AP2B1: variants seen among roughly 807,000 people sequenced by gnomAD.
AP2B1 encodes adaptor related protein complex 2 subunit beta 1.
Under a neutral mutation model 102.0 loss-of-function variants are expected in AP2B1, and 23 were observed. That is an observed-to-expected ratio of 0.23 (90% CI 0.16 to 0.32). AP2B1 has a LOEUF of 0.32. Ranked by LOEUF, AP2B1 falls within the 10% of genes least tolerant of loss-of-function variation. The pLI is 1.00. For missense variants in AP2B1, 541 were observed against 1,157.4 expected, an observed-to-expected ratio of 0.47 and a Z score of 7.73; for synonymous variants, 381 against 421.2, an observed-to-expected ratio of 0.90 and a Z score of 1.17.
Position 35,671,836 on chromosome 17 carries a change from A to G in AP2B1, c.2114A>G (p.Asn705Ser), listed in dbSNP as rs1175369422. ...CCTGCTGTGGTCAGCAGTGGACTGA[A>G]TGACCTGTTTGAACTCTCCACAGGG... ...PTPAVVSSGL[N>S]DLFELSTGIG... Residue 705 changes from asparagine to serine, a missense_variant, in exon 16 of 22, where the codon AAT becomes AGT. Physicochemically the swap from Asn to Ser is conservative, Grantham distance 46. Around this residue, in one of 10 missense-constraint regions of AP2B1, gnomAD observed 62 missense variants for 87.6 expected, o/e 0.71. Coordinates refer to ENST00000610402, the MANE Select transcript of AP2B1 (RefSeq NM_001030006.2). 6.2e-7 allele frequency: 1 copy of G among 1,613,960 alleles called. No individual in the cohort carries two copies. Among genetic ancestry groups the G allele is most frequent in the South Asian group, 1.1e-5 (1 of 91,078 alleles).
At chr17:35,645,551 TAAAGAATAC>T (rs2074907851) in intron 12 of AP2B1, among the ~76,000 whole-genome samples, 1 of 152,052 alleles carries the variant, frequency 6.6e-6, no homozygotes, top group South Asian at 2.1e-4. Context: ...TTCAACTGAG[TAAAGAATAC>T]AAACAAAGGC....
chr17:35,705,639 A>G (rs1330339177), intron 18 of AP2B1, among the ~76,000 whole-genome samples: 1 of 152,036 alleles, frequency 6.6e-6, no homozygotes, highest in Non-Finnish European at 1.5e-5. Context: ...CTCCCACTTC[A>G]GCCTCCTGAG....
At chr17:35,622,656 T>C (rs1490033518) in intron 5 of AP2B1, among the ~76,000 whole-genome samples, 1 of 152,108 alleles carries the variant, frequency 6.6e-6, no homozygotes, top group Non-Finnish European at 1.5e-5. Context: ...TCATTTATAC[T>C]TGGAGAATAT....
chr17:35,720,208 A>G (rs1317594924), intron 21 of AP2B1, among the ~76,000 whole-genome samples: 1 of 152,122 alleles, frequency 6.6e-6, no homozygotes, highest in Non-Finnish European at 1.5e-5. Context: ...CTAAGGGTTT[A>G]GATGCAGATT....
intron 2 of AP2B1, among the ~76,000 whole-genome samples, chr17:35,595,029 A>G (rs2073220367): frequency 6.6e-6 from 1 of 152,162 alleles, no homozygotes; most frequent in Non-Finnish European, 1.5e-5. Flanking sequence ...GAGTCCTTAC[A>G]TTTACCAAAG....
At chr17:35,699,426 A>G (rs960463301) in intron 18 of AP2B1, among the ~76,000 whole-genome samples, 3 of 152,250 alleles carry the variant, frequency 2.0e-5, no homozygotes, top group Admixed American at 6.5e-5. Flanking sequence ...AGAATAAATC[A>G]GTATGGCTTT....
At position 35,647,409 on chromosome 17, in the gene AP2B1, A is replaced by G. The variant is rs930019331; in HGVS notation, c.1537-3121A>G. On this transcript the variant is annotated intron_variant, in intron 12 of 21. Transcript: ENST00000610402. ...GTGCCCCCCCTCCCCACACACACAC[A>G]AACAAAATCAACTAAATTAGATATA... Among the ~76,000 whole-genome samples the G allele has an allele frequency of 4.6e-5, 7 of 152,204 alleles. No homozygotes were observed. The East Asian group carries it at 1.3e-3, about 29-fold the overall frequency.
At chr17:35,719,865 G>A (rs1172445473) in intron 21 of AP2B1, among the ~76,000 whole-genome samples, 1 of 152,118 alleles carries the variant, frequency 6.6e-6, no homozygotes, top group Non-Finnish European at 1.5e-5. Context: ...AATACAGTGA[G>A]CTCTTCCTGT....
At chr17:35,645,657 C>A (rs2074911433) in intron 12 of AP2B1, among the ~76,000 whole-genome samples, 1 of 152,128 alleles carries the variant, frequency 6.6e-6, no homozygotes, top group African/African-American at 2.4e-5. Flanking sequence ...CGAGACCAGC[C>A]TGACCAAAAT....
At chr17:35,694,882 CAAAAACAAAAA>C (rs1045962030) in intron 18 of AP2B1, among the ~76,000 whole-genome samples, 27 of 152,148 alleles carry the variant, frequency 1.8e-4, no homozygotes, top group African/African-American at 6.5e-4. Flanking sequence ...GACTTCATCT[CAAAAACAAAAA>C]CAAAACAAAA....
intron 14 of AP2B1, among the ~76,000 whole-genome samples, chr17:35,666,457 A>T (rs7212488): frequency 0.85 from 130,088 of 152,228 alleles, 55,806 homozygotes; most frequent in East Asian, 0.97. Flanking sequence ...TCAGTTACAG[A>T]TTTTTAATAC....
intron 3 of AP2B1, among the ~76,000 whole-genome samples, chr17:35,600,268 A>C (rs2073433114): frequency 6.6e-6 from 1 of 151,972 alleles, no homozygotes; most frequent in South Asian, 2.1e-4. Flanking sequence ...TTTTTAGTAG[A>C]GACGGGGTTT....
intron 9 of AP2B1, 67 bp from the exon 10 acceptor site, chr17:35,636,274 T>G: frequency 8.7e-7 from 1 of 1,151,060 alleles, no homozygotes; most frequent in Non-Finnish European, 1.3e-6. Flanking sequence ...GTTTCAAAAT[T>G]TTTATGTTGA....
chr17:35,640,857 C>A (rs950647401), intron 11 of AP2B1, among the ~76,000 whole-genome samples: 1 of 152,178 alleles, frequency 6.6e-6, no homozygotes, highest in East Asian at 1.9e-4. Context: ...TGGCTCATTA[C>A]AGCAGGGATT....
chr17:35,677,359 GA>G (rs2075724398), intron 17 of AP2B1, among the ~76,000 whole-genome samples: 1 of 152,138 alleles, frequency 6.6e-6, no homozygotes, highest in Admixed American at 6.5e-5. Context: ...TGTGTTCTAA[GA>G]AATCTTTGCT....
At chr17:35,643,247 A>G (rs1245603609) in intron 12 of AP2B1, among the ~76,000 whole-genome samples, 1 of 152,162 alleles carries the variant, frequency 6.6e-6, no homozygotes, top group Non-Finnish European at 1.5e-5. Flanking sequence ...ATTGGGTCAC[A>G]TGTGGCCTCA....
In AP2B1 at chr17:35,605,747, T is replaced by C; in HGVS notation, c.186T>C (p.Asn62=). ...TAGTGAACTGTATGCAGACTGACAA[T>C]CTGGAACTAAAGAAGCTTGTGTATC... ...PDVVNCMQTD[N]LELKKLVYLY... is the part of the protein sequence containing the mutation. The change falls in exon 4 of 22, where the codon AAT becomes AAC. Residue 62 remains asparagine, a synonymous_variant. Transcript: ENST00000610402. The C allele has an allele frequency of 1.2e-6, 2 of 1,614,108 alleles. No individual in the cohort carries two copies. Among genetic ancestry groups the C allele is most frequent in the South Asian group, 2.2e-5 (2 of 91,072 alleles).
At chr17:35,631,558 C>T (rs1035010149) in intron 9 of AP2B1, among the ~76,000 whole-genome samples, 6 of 151,496 alleles carry the variant, frequency 4.0e-5, no homozygotes, top group Non-Finnish European at 8.8e-5. Context: ...TTGTTTTATC[C>T]TCTACTTTTT....
At chr17:35,701,357 G>A (rs2076235563) in intron 18 of AP2B1, among the ~76,000 whole-genome samples, 1 of 152,074 alleles carries the variant, frequency 6.6e-6, no homozygotes, top group Non-Finnish European at 1.5e-5. Context: ...ATACACAATA[G>A]CACATTTTCC....
Sources: allele counts gnomAD v4.1 joint callset (sites outside exome capture counted in the v4.1 genomes callset), GRCh38; gene constraint gnomAD v4.1.1; regional missense constraint gnomAD v4.1.1; transcripts MANE v1.5; gene names NCBI Gene and HGNC (gene_info 2026-07-23, HGNC 2026-07-21).